COG5: variants seen among roughly 807,000 people sequenced by gnomAD.
COG5 encodes component of oligomeric golgi complex 5.
COG5 carries 86 observed loss-of-function variants against 110.4 expected under a neutral mutation model. That is an observed-to-expected ratio of 0.78 (90% CI 0.65 to 0.93). The LOEUF (loss-of-function observed/expected upper bound fraction) is 0.93. Ranked by LOEUF, COG5 falls within the 40% of genes least tolerant of loss-of-function variation. The pLI, the probability that COG5 is intolerant of heterozygous loss-of-function variation, is 0.00. For missense variants in COG5, 1,077 were observed against 987.0 expected (o/e 1.09, Z -1.22); for synonymous variants, 360 against 334.6 (o/e 1.08, Z -0.83).
chr7:107,269,909 G>T (rs777095484), intron 14 of COG5, among the ~76,000 whole-genome samples: 11 of 152,172 alleles, frequency 7.2e-5, no homozygotes, highest in South Asian at 2.1e-4. Flanking sequence ...ACTGGGTCAC[G>T]AGGAATTCTG....
At chr7:107,283,531 C>G in intron 13 of COG5, 40 bp downstream of exon 13, 1 of 1,533,330 alleles carries the variant, frequency 6.5e-7, no homozygotes, top group South Asian at 1.1e-5. Context: ...ACAAATATGG[C>G]AGTCATCTTA....
intron 6 of COG5, among the ~76,000 whole-genome samples, chr7:107,478,540 A>C (rs1258951866): frequency 6.6e-6 from 1 of 152,068 alleles, no homozygotes; most frequent in African/African-American, 2.4e-5. Flanking sequence ...TTATATTTAA[A>C]CTTATTTATA....
intron 6 of COG5, among the ~76,000 whole-genome samples, chr7:107,457,451 A>G (rs144890705): frequency 0.011 from 1,598 of 151,884 alleles, 19 homozygotes; most frequent in African/African-American, 0.037. Context: ...TTTTTGAGAC[A>G]GAGTCTCACT....
Position 107,324,422 on chromosome 7 carries a change from A to T in COG5, c.1108+18T>A. 1 of 1,448,738 alleles carries T rather than the reference A, an allele frequency of 6.9e-7. No individual in the cohort carries two copies. The highest frequency in any genetic ancestry group is 1.2e-5 in the South Asian group (1 of 82,988). The allele number at this position is 1,448,738 out of a possible 1,614,324, so 89.7% of individuals were successfully genotyped here. ...TTAAAACTTTGAAATTAATTTTCAA[A>T]ATAAGTAGTAAACTTACAGTTTGTT... On this transcript the variant is annotated intron_variant, in intron 11 of 21. Coordinates refer to ENST00000297135, the MANE Select transcript of COG5 (RefSeq NM_006348.5).
At chr7:107,449,333 G>A (rs887968804) in intron 6 of COG5, among the ~76,000 whole-genome samples, 1 of 152,138 alleles carries the variant, frequency 6.6e-6, no homozygotes, top group Non-Finnish European at 1.5e-5. Flanking sequence ...TTCTGCACAT[G>A]TATCCAAGAA....
chr7:107,483,724 T>C (rs1178264814), intron 6 of COG5, among the ~76,000 whole-genome samples: 1 of 150,404 alleles, frequency 6.6e-6, no homozygotes, highest in African/African-American at 2.4e-5. Context: ...AAAAAAAAGA[T>C]ACAAAGACCA....
intron 7 of COG5, among the ~76,000 whole-genome samples, chr7:107,410,130 GA>G (rs1792172916): frequency 6.6e-6 from 1 of 152,182 alleles, no homozygotes; most frequent in Non-Finnish European, 1.5e-5. Flanking sequence ...AGGAGTAGTA[GA>G]AAGGCAAGGG....
intron 5 of COG5, among the ~76,000 whole-genome samples, chr7:107,542,244 C>A (rs996429148): frequency 2.0e-5 from 3 of 152,114 alleles, no homozygotes; most frequent in Admixed American, 6.5e-5. Context: ...AGAGGAATAT[C>A]TGAAACACAC....
chr7:107,410,770 G>A (rs981343950), intron 7 of COG5, among the ~76,000 whole-genome samples: 4 of 152,024 alleles, frequency 2.6e-5, no homozygotes, highest in African/African-American at 9.7e-5. Flanking sequence ...GTTAATAAAA[G>A]AATTATGAGT....
intron 6 of COG5, among the ~76,000 whole-genome samples, chr7:107,498,253 A>G (rs1369238463): frequency 6.6e-6 from 1 of 152,200 alleles, no homozygotes; most frequent in African/African-American, 2.4e-5. Context: ...CCAAAAACAC[A>G]GACAACAAAT....
chr7:107,230,555 C>A, intron 19 of COG5, 60 bp downstream of exon 19: 1 of 1,279,626 alleles, frequency 7.8e-7, no homozygotes, highest in African/African-American at 1.5e-5. Context: ...GTTCAACCTG[C>A]ACAGAAAGGA....
intron 6 of COG5, among the ~76,000 whole-genome samples, chr7:107,422,459 G>A (rs932493860): frequency 7.2e-5 from 11 of 152,032 alleles, no homozygotes; most frequent in East Asian, 1.9e-4. Flanking sequence ...CCCCGGAGGC[G>A]GAGGTTGCAG....
rs71522833 is a variant in COG5, at chr7:107,283,931, C to CT, written c.1314-200dup. On this transcript the variant is annotated intron_variant, in intron 12 of 21. Coordinates refer to ENST00000297135, the MANE Select transcript of COG5 (RefSeq NM_006348.5). Reference sequence around the variant, plus strand: ...ATTAAACATTCAGGACCATAGTAACCTTTTTTTTTTTGAGACGTAGTCTCA... The same window carrying CT: ...ATTAAACATTCAGGACCATAGTAACCTTTTTTTTTTTTGAGACGTAGTCTCA... Among the ~76,000 whole-genome samples, 91 of 142,622 alleles carry CT rather than the reference C, an allele frequency of 6.4e-4. 2 individuals carry two copies. The highest frequency in any genetic ancestry group is 9.8e-4 in the African/African-American group (39 of 39,814). 93.6% of individuals were successfully genotyped at this position (142,622 alleles called of 152,430 possible).
intron 10 of COG5, among the ~76,000 whole-genome samples, chr7:107,359,803 G>T (rs1812939836): frequency 6.6e-6 from 1 of 152,124 alleles, no homozygotes; most frequent in African/African-American, 2.4e-5. Flanking sequence ...AGCACTCTGG[G>T]TCTCCTCTCT....
At chr7:107,247,577 T>G (rs1802149935) in intron 17 of COG5, among the ~76,000 whole-genome samples, 1 of 152,162 alleles carries the variant, frequency 6.6e-6, no homozygotes. Context: ...AAAATACATA[T>G]CTACATATTA....
Position 107,468,377 on chromosome 7 carries a change from T to C in COG5, c.539-55745A>G, listed in dbSNP as rs144553431. On this transcript the variant is annotated intron_variant, in intron 6 of 21. Transcript: ENST00000297135. ...CACATATTTCCACTGATGCTATGCT[T>C]TCTCTGGTCTTAGTTTTAAGCTTAA... Among the ~76,000 whole-genome samples the C allele has an allele frequency of 1.1e-3, 168 of 152,222 alleles. 1 individual carries two copies. Among genetic ancestry groups the C allele is most frequent in the African/African-American group, 3.9e-3 (160 of 41,556 alleles).
In COG5 at chr7:107,474,944, G is replaced by A. The variant is rs1482881366; in HGVS notation, c.538+52293C>T. On this transcript the variant is annotated intron_variant, in intron 6 of 21. Transcript: ENST00000297135. The surrounding 1 kb of genome is among the most constrained non-coding windows in gnomAD (Gnocchi z 5.7). ...TCAGTTTCTGTAATAATTGCCCTCCGGCGAGCTGTGAAACGACACCGTGAA... is the reference window on the plus strand; with the variant it reads ...TCAGTTTCTGTAATAATTGCCCTCCAGCGAGCTGTGAAACGACACCGTGAA... 21 of 1,612,536 alleles carry A rather than the reference G, an allele frequency of 1.3e-5. No homozygotes were observed. Among genetic ancestry groups the A allele is most frequent in the Non-Finnish European group, 1.8e-5 (21 of 1,179,302 alleles).
At chr7:107,272,357 C>T (rs929965966) in intron 14 of COG5, among the ~76,000 whole-genome samples, 5 of 152,206 alleles carry the variant, frequency 3.3e-5, no homozygotes, top group Non-Finnish European at 7.3e-5. Context: ...GTTGTCCCAC[C>T]TTTCCGGATG....
chr7:107,358,439 T>C (rs1204642518), intron 10 of COG5, among the ~76,000 whole-genome samples: 3 of 152,214 alleles, frequency 2.0e-5, no homozygotes, highest in Non-Finnish European at 4.4e-5. Flanking sequence ...AGCATCTCAT[T>C]GTTTCTTTCA....
Sources: allele counts gnomAD v4.1 joint callset (sites outside exome capture counted in the v4.1 genomes callset), GRCh38; gene constraint gnomAD v4.1.1; non-coding constraint Gnocchi (gnomAD v3.1); transcripts MANE v1.5; gene names NCBI Gene and HGNC (gene_info 2026-07-23, HGNC 2026-07-21).